The following FIP1L1 variants were observed in gnomAD, a reference collection of about 807,000 sequenced individuals.
The protein encoded by FIP1L1 is pre-mRNA 3'-end-processing factor FIP1.
FIP1L1 carries 21 observed loss-of-function variants against 84.6 expected under a neutral mutation model. The observed-to-expected ratio is 0.25, with a 90% confidence interval of 0.18 to 0.36. The LOEUF (loss-of-function observed/expected upper bound fraction) is 0.36. Among genes scored for constraint, FIP1L1 ranks in the 10% least tolerant of loss-of-function variants. The pLI, the probability that FIP1L1 is intolerant of heterozygous loss-of-function variation, is 1.00. For synonymous variants in FIP1L1, 263 were observed against 242.3 expected, an observed-to-expected ratio of 1.09 and a Z score of -0.80; for missense variants, 526 against 751.1, an observed-to-expected ratio of 0.70 and a Z score of 3.50.
At chr4:53,442,496 C>T (rs374635400) in intron 13 of FIP1L1, 157 bp from the exon 14 acceptor site, 18 of 581,766 alleles carry the variant, frequency 3.1e-5, no homozygotes, top group African/African-American at 3.0e-4. Context: ...AAAATCTGTT[C>T]ATAAGTTTGA....
chr4:53,383,742 T>A (rs1337443510), intron 4 of FIP1L1, 31 bp from the exon 5 acceptor site: 5 of 1,567,382 alleles, frequency 3.2e-6, no homozygotes, highest in Non-Finnish European at 1.7e-6. Context: ...GATTACTGAA[T>A]GTATTTTATA....
chr4:53,381,742 G>A (rs890012156), intron 3 of FIP1L1, among the ~76,000 whole-genome samples: 4 of 101,222 alleles, frequency 4.0e-5, no homozygotes, highest in African/African-American at 1.4e-4. Context: ...AACTGTGAAG[G>A]CATTTGCATT....
intron 4 of FIP1L1, among the ~76,000 whole-genome samples, chr4:53,382,600 A>G (rs1007418723): frequency 6.6e-6 from 1 of 152,250 alleles, no homozygotes; most frequent in Non-Finnish European, 1.5e-5. Flanking sequence ...AATGGTTATA[A>G]ATCTACTGAA....
rs3067115 is a variant in FIP1L1, at chr4:53,459,277, CTTTTTTTT to C, written c.1638-12_1638-5del. On this transcript the variant is annotated splice_polypyrimidine_tract_variant and intron_variant, in intron 17 of 17. Coordinates refer to ENST00000337488, the MANE Select transcript of FIP1L1 (RefSeq NM_030917.4). Reference sequence around the variant, plus strand: ...GATTGTGTATTTAAACAGAACACACCTTTTTTTTTTTTTTTTTTTTCCAGTAATAGTAG... The same window carrying C: ...GATTGTGTATTTAAACAGAACACACCTTTTTTTTTTTTCCAGTAATAGTAG... The C allele has an allele frequency of 1.5e-5, 15 of 974,936 alleles. No individual in the cohort carries two copies. Among genetic ancestry groups the C allele is most frequent in the Admixed American group, 3.6e-5 (1 of 27,790 alleles). The allele number at this position is 974,936 out of a possible 1,614,324, so 60.4% of individuals were successfully genotyped here.
At chr4:53,458,103 GTTCT>G (rs1450645789) in intron 16 of FIP1L1, among the ~76,000 whole-genome samples, 1 of 152,068 alleles carries the variant, frequency 6.6e-6, no homozygotes, top group Non-Finnish European at 1.5e-5. Flanking sequence ...TGATGTCTCT[GTTCT>G]TTATTTTTAT....
intron 11 of FIP1L1, among the ~76,000 whole-genome samples, chr4:53,424,377 T>C (rs2149949366): frequency 6.6e-6 from 1 of 152,210 alleles, no homozygotes; most frequent in Non-Finnish European, 1.5e-5. Flanking sequence ...TGTAGAGATA[T>C]TTGGATTTTT....
intron 1 of FIP1L1, chr4:53,378,125 G>T: frequency 4.3e-6 from 2 of 465,770 alleles, no homozygotes; most frequent in Admixed American, 4.2e-5. Flanking sequence ...CCCACCATGC[G>T]CATCCACCCC....
At chr4:53,419,056 G>A (rs927710385) in intron 11 of FIP1L1, among the ~76,000 whole-genome samples, 2 of 152,074 alleles carry the variant, frequency 1.3e-5, no homozygotes, top group African/African-American at 4.8e-5. Flanking sequence ...TAAGATTCTT[G>A]TAGAGCTGTG....
intron 3 of FIP1L1, among the ~76,000 whole-genome samples, chr4:53,382,047 G>T (rs1738356505): frequency 6.6e-6 from 1 of 151,862 alleles, no homozygotes; most frequent in African/African-American, 2.4e-5. Flanking sequence ...GGGATTACAG[G>T]CATGAGCCTC....
chr4:53,377,965 C>T (rs370147519), intron 1 of FIP1L1, 42 bp downstream of exon 1: 83 of 1,497,292 alleles, frequency 5.5e-5, no homozygotes, highest in Non-Finnish European at 7.1e-5. Context: ...TCTCTCAGGC[C>T]TCCCCTCTTG....
chr4:53,387,774 T>C (rs1202714679), intron 5 of FIP1L1, among the ~76,000 whole-genome samples: 4 of 152,246 alleles, frequency 2.6e-5, no homozygotes, highest in African/African-American at 7.2e-5. Flanking sequence ...GAGAAAATCC[T>C]TGATTTTTGT....
chr4:53,399,043 C>CG (rs1024141932), intron 9 of FIP1L1, among the ~76,000 whole-genome samples: 5 of 152,010 alleles, frequency 3.3e-5, no homozygotes, highest in South Asian at 2.1e-4. Context: ...CCCAGCTACT[C>CG]GGGGGGCTGT....
intron 11 of FIP1L1, among the ~76,000 whole-genome samples, chr4:53,417,761 ACACTCTCTCTCTCTCTCT>A (rs1186841452): frequency 0.02 from 447 of 22,494 alleles, 10 homozygotes; most frequent in South Asian, 0.17. Flanking sequence ...ACACACACAC[ACACTCTCTCTCTCTCTCT>A]CTCTCTCTCT....
intron 13 of FIP1L1, 49 bp downstream of exon 13, chr4:53,428,232 G>C (rs1201902591): frequency 2.0e-6 from 3 of 1,477,228 alleles, no homozygotes; most frequent in Non-Finnish European, 2.7e-6. Context: ...TAGCTTGCGA[G>C]TGTTTTTTAA....
intron 10 of FIP1L1, among the ~76,000 whole-genome samples, chr4:53,412,576 T>A (rs1277204321): frequency 1.3e-5 from 2 of 152,112 alleles, no homozygotes; most frequent in Non-Finnish European, 2.9e-5. Context: ...TATTTTCTCA[T>A]GATTAGATTC....
rs1466245425 is a variant in FIP1L1, at chr4:53,460,466, A to AAAAT, written c.*1019_*1022dup. 1.5e-5 allele frequency: 3 copies of AAAAT among 194,208 alleles called. No individual in the cohort carries two copies. The East Asian group carries it at 2.5e-4, about 16-fold the overall frequency. 12.0% of individuals were successfully genotyped at this position (194,208 alleles called of 1,614,324 possible). A position where few individuals can be genotyped will look rare whatever the true frequency, so the allele number is the denominator to read the frequency against. On this transcript the variant is annotated 3_prime_UTR_variant, in exon 18 of 18. Transcript: ENST00000337488. ...ACTAAAAGACAACTATAACTTCTGA[A>AAAAT]AAATATTTATTCTTGTTTGATGAAA...
chr4:53,412,221 C>A (rs1757552648), intron 10 of FIP1L1, among the ~76,000 whole-genome samples: 1 of 152,070 alleles, frequency 6.6e-6, no homozygotes. Flanking sequence ...CATCATGCCC[C>A]TTTACCCTTA....
intron 13 of FIP1L1, among the ~76,000 whole-genome samples, chr4:53,429,326 A>G (rs1765598731): frequency 6.6e-6 from 1 of 151,822 alleles, no homozygotes; most frequent in South Asian, 2.1e-4. Flanking sequence ...AGTATTTCTA[A>G]TTTCAGTGAA....
At chr4:53,434,216 A>C (rs1768044866) in intron 13 of FIP1L1, among the ~76,000 whole-genome samples, 2 of 152,182 alleles carry the variant, frequency 1.3e-5, no homozygotes, top group African/African-American at 4.8e-5. Flanking sequence ...TGTATAATAC[A>C]CTCATTACAT....
Sources: gnomAD v4.1 joint callset for allele counts (sites outside exome capture counted in the v4.1 genomes callset) on GRCh38, gnomAD v4.1.1 for gene constraint, MANE v1.5 for transcripts, NCBI Gene and HGNC (gene_info 2026-07-23, HGNC 2026-07-21) for gene names.